The following CCDC77 variants were observed in gnomAD, a reference collection of about 807,000 sequenced individuals.
The protein encoded by CCDC77 is coiled-coil domain containing 77.
A neutral mutation model predicts 66.8 loss-of-function variants in CCDC77; 56 were observed. The observed-to-expected ratio is 0.84, with a 90% CI of 0.68 to 1.05. The LOEUF (loss-of-function observed/expected upper bound fraction) is 1.05, where lower values mean the gene tolerates loss of function less well. CCDC77 is among the 50% of genes least tolerant of loss of function. The pLI is 0.00. For missense variants in CCDC77, 570 were observed against 576.8 expected (o/e 0.99, Z 0.12); for synonymous variants, 196 against 195.2 (o/e 1.00, Z -0.03).
chr12:439,646 G>A (rs1054922428), intron 10 of CCDC77, among the ~76,000 whole-genome samples: 5 of 151,910 alleles, frequency 3.3e-5, no homozygotes, highest in Non-Finnish European at 2.9e-5. Context: ...CAGGCGTGGT[G>A]GCGGACACCT....
At chr12:413,462 A>G (rs947348899) in intron 4 of CCDC77, among the ~76,000 whole-genome samples, 2 of 151,506 alleles carry the variant, frequency 1.3e-5, no homozygotes, top group Non-Finnish European at 1.5e-5. Flanking sequence ...GATGGTCTCG[A>G]TCGCCTGACC....
At chr12:428,439 A>G (rs1310497806) in intron 5 of CCDC77, among the ~76,000 whole-genome samples, 5 of 144,262 alleles carry the variant, frequency 3.5e-5, no homozygotes, top group Admixed American at 2.9e-4. Context: ...TGAACCCGGC[A>G]GGCGGAGGTT....
chr12:440,527 T>G, intron 10 of CCDC77, 90 bp from the exon 11 acceptor site: 1 of 1,471,606 alleles, frequency 6.8e-7, no homozygotes, highest in African/African-American at 1.4e-5. Flanking sequence ...TGGAAATCCC[T>G]TCTTTTCTTT....
At chr12:389,411 C>T in exon 1 of CCDC77, 2 of 518,382 alleles carry the variant, frequency 3.9e-6, no homozygotes, top group Non-Finnish European at 7.1e-6. Context: ...TCTTCCCCGG[C>T]AGCACAGTGT....
intron 2 of CCDC77, among the ~76,000 whole-genome samples, 182 bp downstream of exon 2, chr12:405,746 A>G (rs1049544874): frequency 6.6e-6 from 1 of 152,116 alleles, no homozygotes; most frequent in Non-Finnish European, 1.5e-5. Flanking sequence ...TCAAATTCAT[A>G]TTGAGAGTTG....
At chr12:409,312 C>G in intron 2 of CCDC77, 56 bp from the exon 3 acceptor site, 1 of 1,242,290 alleles carries the variant, frequency 8.0e-7, no homozygotes, top group Non-Finnish European at 1.2e-6. Context: ...TAATCCTGTA[C>G]TGTTTTTATT....
intron 1 of CCDC77, among the ~76,000 whole-genome samples, chr12:395,894 A>T (rs950808565): frequency 5.9e-5 from 9 of 151,616 alleles, no homozygotes; most frequent in African/African-American, 9.7e-5. Flanking sequence ...ACTCTGTCTC[A>T]AAATAAATAA....
At chr12:397,235 G>A (rs1944839589), upstream of CCDC77, among the ~76,000 whole-genome samples, 1 of 152,132 alleles carries the variant, frequency 6.6e-6, no homozygotes, top group Admixed American at 6.6e-5. Context: ...CCAGTTAGAA[G>A]CCTATGGTAA....
intron 1 of CCDC77, among the ~76,000 whole-genome samples, chr12:390,818 A>ATC (rs1944742299): frequency 2.0e-5 from 3 of 152,112 alleles, no homozygotes; most frequent in Admixed American, 2.0e-4. Context: ...TGGAGGGTTC[A>ATC]AGATGGCCTC....
At chr12:415,957 C>G (rs1312771341) in intron 4 of CCDC77, among the ~76,000 whole-genome samples, 1 of 151,832 alleles carries the variant, frequency 6.6e-6, no homozygotes, top group African/African-American at 2.4e-5. Flanking sequence ...AGGCGCCCAC[C>G]ACCATGCCCG....
rs1565572241 is a variant in CCDC77, at chr12:423,487, TTGTTTTG to T, written c.413+4853_413+4859del. ...TTTTTTGTGTTTTTTGTGTTTTTTT[TTGTTTTG>T]TTTTTTTTTTTTTTTTTTTGAGACA... is the stretch of plus-strand genomic sequence containing the variant. On this transcript the variant is annotated intron_variant, in intron 5 of 12. Transcript: ENST00000239830. 1.4e-3 allele frequency among the ~76,000 whole-genome samples: 43 copies of T among 31,614 alleles called. 2 individuals are homozygous for T. Among genetic ancestry groups the T allele is most frequent in the African/African-American group, 3.7e-3 (25 of 6,794 alleles). The allele number at this position is 31,614 out of a possible 152,430, so 20.7% of individuals were successfully genotyped here.
chr12:427,352 T>C (rs1259421053), intron 5 of CCDC77, among the ~76,000 whole-genome samples: 4 of 152,124 alleles, frequency 2.6e-5, no homozygotes, highest in African/African-American at 9.7e-5. Flanking sequence ...TATCTTTTAT[T>C]GTTTGAGCTA....
At chr12:416,342 GGGGTGTGTGTGTGTGT>G (rs1565568971) in intron 4 of CCDC77, among the ~76,000 whole-genome samples, 9 of 34,636 alleles carry the variant, frequency 2.6e-4, no homozygotes, top group East Asian at 4.3e-3. Context: ...TGGGTGTGTG[GGGGTGTGTGTGTGTGT>G]GTGTGTGTGT....
chr12:396,003 C>T (rs1172775439), intron 1 of CCDC77, among the ~76,000 whole-genome samples: 3 of 152,080 alleles, frequency 2.0e-5, no homozygotes, highest in Admixed American at 2.0e-4. Context: ...ATTGCTTGAG[C>T]CCAGGGGTTT....
At chr12:404,974 G>A (rs547997262) in intron 1 of CCDC77, among the ~76,000 whole-genome samples, 10 of 152,002 alleles carry the variant, frequency 6.6e-5, no homozygotes, top group Admixed American at 1.3e-4. Flanking sequence ...CGCCTTCCTC[G>A]GCCTCCCAAA....
intron 10 of CCDC77, among the ~76,000 whole-genome samples, chr12:439,720 C>T (rs1014531991): frequency 1.3e-5 from 2 of 151,146 alleles, no homozygotes; most frequent in Non-Finnish European, 2.9e-5. Flanking sequence ...GCAGAGGTTG[C>T]AGTGAGCCGA....
At chr12:400,689 G>T (rs951107892), upstream of CCDC77, among the ~76,000 whole-genome samples, 4 of 152,108 alleles carry the variant, frequency 2.6e-5, no homozygotes, top group African/African-American at 7.2e-5. Flanking sequence ...GGTTCATGGT[G>T]CCCCTAAACA....
At chr12:397,957 T>A (rs1036850276), upstream of CCDC77, among the ~76,000 whole-genome samples, 5 of 152,200 alleles carry the variant, frequency 3.3e-5, no homozygotes, top group Non-Finnish European at 7.3e-5. Context: ...TAAAATACTT[T>A]ATTCTAAAAA....
chr12:416,365 GTGTGTGTGTGTGTATA>G (rs1229672415), intron 4 of CCDC77, among the ~76,000 whole-genome samples: 111 of 38,862 alleles, frequency 2.9e-3, no homozygotes, highest in Non-Finnish European at 5.6e-3. Context: ...GTGTGTGTGT[GTGTGTGTGTGTGTATA>G]TATATATATA....
Sources: allele counts gnomAD v4.1 joint callset (sites outside exome capture counted in the v4.1 genomes callset), GRCh38; gene constraint gnomAD v4.1.1; transcripts MANE v1.5; gene names NCBI Gene and HGNC (gene_info 2026-07-23, HGNC 2026-07-21).